The following DAB1 variants were observed in gnomAD, a reference collection of about 807,000 sequenced individuals.
DAB1 encodes disabled homolog 1.
Under a neutral mutation model 64.6 loss-of-function variants are expected in DAB1, and 15 were observed. The observed-to-expected ratio is 0.23, with a 90% CI of 0.16 to 0.36. The LOEUF is 0.36. Ranked by LOEUF, DAB1 falls within the 10% of genes least tolerant of loss-of-function variation. The pLI is 1.00. For missense variants in DAB1, 596 were observed against 706.7 expected, an observed-to-expected ratio of 0.84 and a Z score of 1.78; for synonymous variants, 235 against 251.9, an observed-to-expected ratio of 0.93 and a Z score of 0.64.
At chr1:58,248,914 G>C (rs1027303792) in intron 4 of DAB1, among the ~76,000 whole-genome samples, 3 of 152,034 alleles carry the variant, frequency 2.0e-5, no homozygotes, top group Non-Finnish European at 4.4e-5. Context: ...GTGCATTCTC[G>C]GAAGGCACAG....
intron 1 of DAB1, among the ~76,000 whole-genome samples, chr1:57,847,421 A>ACTGGTTTAAGT (rs143259279): frequency 0.031 from 4,688 of 152,318 alleles, 228 homozygotes; most frequent in African/African-American, 0.11. Context: ...ATGACAGTAA[A>ACTGGTTTAAGT]TATAAATGGT....
chr1:57,227,033 A>G (rs1667319369), intron 2 of DAB1, among the ~76,000 whole-genome samples: 1 of 151,218 alleles, frequency 6.6e-6, no homozygotes, highest in Non-Finnish European at 1.5e-5. Context: ...AAAAATTGCC[A>G]TGTGTAGTAG....
At chr1:57,993,717 G>T (rs1646382313) in intron 5 of DAB1, among the ~76,000 whole-genome samples, 1 of 152,126 alleles carries the variant, frequency 6.6e-6, no homozygotes, top group Non-Finnish European at 1.5e-5. Context: ...TAGTGAAATA[G>T]ATGCAAATGT....
At chr1:58,519,157 TAA>T (rs1646220671) in intron 2 of DAB1, among the ~76,000 whole-genome samples, 1 of 152,216 alleles carries the variant, frequency 6.6e-6, no homozygotes, top group South Asian at 2.1e-4. Context: ...AGAGAATTTT[TAA>T]AAGTCTCCAC....
chr1:57,002,050 AACAG>A (rs1645888142), intron 14 of DAB1, among the ~76,000 whole-genome samples: 2 of 152,338 alleles, frequency 1.3e-5, no homozygotes, highest in African/African-American at 4.8e-5. Context: ...TGAGTAAATG[AACAG>A]TTCTCTTCTT....
chr1:57,245,499 T>C (rs1444454082), intron 2 of DAB1, among the ~76,000 whole-genome samples: 3 of 152,208 alleles, frequency 2.0e-5, no homozygotes, highest in Non-Finnish European at 4.4e-5. Context: ...TTCTCATTGT[T>C]CAATTCCCAC....
rs959947629 is a variant in DAB1, at chr1:57,054,845, T to C, written c.723+8039A>G. 2.0e-5 allele frequency among the ~76,000 whole-genome samples: 3 copies of C among 152,200 alleles called. No individual in the cohort carries two copies. The South Asian group carries it at 6.2e-4, about 32-fold the overall frequency. On this transcript the variant is annotated intron_variant, in intron 9 of 14. Transcript: ENST00000371236. ...TGCCTAAAGAACATGTCCAGCATTA[T>C]CAGCCCGAAGAAACAAAGACTACGT... is the stretch of plus-strand genomic sequence containing the variant.
At position 57,918,819 on chromosome 1, in the gene DAB1, G is replaced by A. The variant is rs543427784; in HGVS notation, n.388-34657C>T. The stretch of plus-strand genomic sequence containing the variant: ...AGCCTGGTCGACAGAGCGAGACTCC[G>A]TCTCAAAAAAAAAAAGAGAAAGGCA... On this transcript the variant is annotated intron_variant and non_coding_transcript_variant, in intron 5 of 20. Coordinates refer to the DAB1 transcript ENST00000485760. Among the ~76,000 whole-genome samples, 35 of 151,302 alleles carry A rather than the reference G, an allele frequency of 2.3e-4. No individual in the cohort carries two copies. The South Asian group carries it at 4.4e-3, about 19-fold the overall frequency.
intron 1 of DAB1, among the ~76,000 whole-genome samples, chr1:57,376,264 C>T (rs1680887152): frequency 6.6e-6 from 1 of 152,188 alleles, no homozygotes; most frequent in Non-Finnish European, 1.5e-5. Flanking sequence ...TTTCTCTAGT[C>T]TGTCTGTGTA....
intron 4 of DAB1, among the ~76,000 whole-genome samples, chr1:58,258,651 C>T (rs1487861248): frequency 6.6e-6 from 1 of 152,126 alleles, no homozygotes; most frequent in Non-Finnish European, 1.5e-5. Context: ...AGAGACTGTC[C>T]GCTGGAGAAA....
intron 2 of DAB1, among the ~76,000 whole-genome samples, chr1:57,233,399 AC>A (rs1271146128): frequency 2.0e-5 from 3 of 146,818 alleles, no homozygotes; most frequent in Non-Finnish European, 4.5e-5. Context: ...AGTAGCTGGG[AC>A]TACAGGCGCC....
chr1:57,952,098 A>G (rs1343698019), intron 5 of DAB1, among the ~76,000 whole-genome samples: 2 of 151,550 alleles, frequency 1.3e-5, no homozygotes, highest in East Asian at 3.9e-4. Flanking sequence ...AGATGTGGCT[A>G]CCTGCTACTT....
At chr1:58,510,856 A>G (rs1379214415) in intron 2 of DAB1, among the ~76,000 whole-genome samples, 1 of 152,136 alleles carries the variant, frequency 6.6e-6, no homozygotes, top group Non-Finnish European at 1.5e-5. Flanking sequence ...GGAAATTAAG[A>G]AACAATTCCA....
At chr1:57,092,671 G>C (rs1653798384) in intron 4 of DAB1, among the ~76,000 whole-genome samples, 1 of 129,692 alleles carries the variant, frequency 7.7e-6, no homozygotes. Flanking sequence ...GTCTGGCGGG[G>C]GAGGGGGGTG....
At chr1:57,719,755 T>C (rs993924349) in intron 6 of DAB1, among the ~76,000 whole-genome samples, 2 of 152,226 alleles carry the variant, frequency 1.3e-5, no homozygotes, top group Non-Finnish European at 2.9e-5. Context: ...TCTTTATAAA[T>C]TACCCAGTGT....
At chr1:57,731,779 T>C (rs1268937047) in intron 6 of DAB1, among the ~76,000 whole-genome samples, 1 of 150,424 alleles carries the variant, frequency 6.6e-6, no homozygotes, top group African/African-American at 2.5e-5. Context: ...CACTCTAACC[T>C]GGGTGACAGA....
intron 2 of DAB1, among the ~76,000 whole-genome samples, chr1:57,185,035 C>G (rs1663388134): frequency 1.3e-5 from 2 of 152,134 alleles, no homozygotes; most frequent in Admixed American, 6.5e-5. Flanking sequence ...CAACCCACCC[C>G]AGGATCCTGC....
chr1:58,288,603 C>T (rs957092848), intron 4 of DAB1, among the ~76,000 whole-genome samples: 1 of 152,170 alleles, frequency 6.6e-6, no homozygotes, highest in Non-Finnish European at 1.5e-5. Flanking sequence ...AAAGCAGATA[C>T]CTCTACTGTT....
At chr1:58,134,069 C>T (rs1344217140) in intron 5 of DAB1, among the ~76,000 whole-genome samples, 1 of 152,080 alleles carries the variant, frequency 6.6e-6, no homozygotes, top group African/African-American at 2.4e-5. Flanking sequence ...CCTCATTTTC[C>T]TTAGTTATCA....
Sources: gnomAD v4.1 joint callset for allele counts (sites outside exome capture counted in the v4.1 genomes callset) on GRCh38, gnomAD v4.1.1 for gene constraint, MANE v1.5 for transcripts, NCBI Gene and HGNC (gene_info 2026-07-23, HGNC 2026-07-21) for gene names.